The following STAT4 variants were observed in gnomAD, a reference collection of about 807,000 sequenced individuals.
STAT4 encodes signal transducer and activator of transcription 4.
Under a neutral mutation model 110.5 loss-of-function variants are expected in STAT4, and 42 were observed. The observed-to-expected ratio is 0.38, with a 90% CI of 0.30 to 0.49. STAT4 has a LOEUF of 0.49. STAT4 is among the 20% of genes least tolerant of loss of function. STAT4 has a pLI of 0.95. For synonymous variants in STAT4, 284 were observed against 302.2 expected, an observed-to-expected ratio of 0.94 and a Z score of 0.63; for missense variants, 632 against 887.9, an observed-to-expected ratio of 0.71 and a Z score of 3.66.
chr2:191,136,838 T>C (rs972472837), intron 3 of STAT4, among the ~76,000 whole-genome samples: 3 of 152,116 alleles, frequency 2.0e-5, no homozygotes. Context: ...ATCTCCTAGG[T>C]CTGATAAATA....
intron 16 of STAT4, among the ~76,000 whole-genome samples, chr2:191,038,864 A>G (rs577769452): frequency 6.6e-6 from 1 of 152,356 alleles, no homozygotes; most frequent in African/African-American, 2.4e-5. Context: ...GGACCAGAGC[A>G]GCTGGGGAGG....
chr2:191,054,438 A>G (rs1696616574), intron 14 of STAT4, 52 bp downstream of exon 14: 7 of 1,429,160 alleles, frequency 4.9e-6, no homozygotes, highest in Non-Finnish European at 6.8e-6. Context: ...TAAAAATAAG[A>G]TATTATAAGA....
At chr2:191,052,894 C>A (rs1696571427) in intron 14 of STAT4, among the ~76,000 whole-genome samples, 1 of 152,164 alleles carries the variant, frequency 6.6e-6, no homozygotes, top group Non-Finnish European at 1.5e-5. Context: ...CCTTAAACCC[C>A]AAAACTCTGC....
At chr2:191,129,200 A>T (rs1698963863) in intron 3 of STAT4, among the ~76,000 whole-genome samples, 1 of 152,246 alleles carries the variant, frequency 6.6e-6, no homozygotes, top group Admixed American at 6.5e-5. Flanking sequence ...TTCATTTACC[A>T]GTTAGTAAAT....
intron 17 of STAT4, 100 bp from the exon 18 acceptor site, chr2:191,034,697 T>G: frequency 1.2e-6 from 1 of 851,070 alleles, no homozygotes; most frequent in Non-Finnish European, 2.0e-6. Context: ...CAAGCATTTC[T>G]TAAGCACTTG....
chr2:191,150,703 C>G lies in STAT4; in HGVS notation c.-2+244G>C, dbSNP rs1399282881. Among the ~76,000 whole-genome samples the G allele has an allele frequency of 6.6e-6, 1 of 152,226 alleles. No homozygotes were observed. Among genetic ancestry groups the G allele is most frequent in the Non-Finnish European group, 1.5e-5 (1 of 68,032 alleles). On this transcript the variant is annotated intron_variant, in intron 1 of 23. Transcript: ENST00000392320. This position sits in a 1 kb window ranked among gnomAD's most constrained non-coding sequence, Gnocchi z 6.4. ...GCAGCCGCCGCAGCTCCCCTGGCCC[C>G]CGCAGGGAGATTCGCCCGGGCACCG...
rs1196379705 is a variant in STAT4 at position 191,053,252 on chromosome 2, T to C, written c.1251+1238A>G. Among the ~76,000 whole-genome samples, 1 of 152,216 alleles carries C rather than the reference T, an allele frequency of 6.6e-6. No individual in the cohort carries two copies. On this transcript the variant is annotated intron_variant, in intron 14 of 23. Transcript: ENST00000392320. The surrounding 1 kb of genome is among the most constrained non-coding windows in gnomAD (Gnocchi z 4.5). ...GAACCACCCCAGAAATAAACCTCAC[T>C]GCTTCAAAACTGCATCACGTAGGTG... is the stretch of plus-strand genomic sequence containing the variant.
At chr2:191,038,175 C>A (rs1264666939) in intron 16 of STAT4, among the ~76,000 whole-genome samples, 2 of 148,870 alleles carry the variant, frequency 1.3e-5, no homozygotes, top group African/African-American at 5.0e-5. Flanking sequence ...TAATGGGGAT[C>A]AGCATTTAAT....
intron 3 of STAT4, among the ~76,000 whole-genome samples, chr2:191,128,744 T>C (rs1698952011): frequency 6.6e-6 from 1 of 152,214 alleles, no homozygotes; most frequent in African/African-American, 2.4e-5. Context: ...CTAATAGTCA[T>C]TACCCTGGCT....
rs1698096230 is a variant in STAT4, at chr2:191,099,372, A to T, written c.274-23047T>A. Among the ~76,000 whole-genome samples the T allele has an allele frequency of 6.6e-6, 1 of 152,126 alleles. No individual in the cohort carries two copies. Among genetic ancestry groups the T allele is most frequent in the African/African-American group, 2.4e-5 (1 of 41,440 alleles). Reference sequence around the variant, plus strand: ...CATATCTAGGAATCCATCCAATAAAAATAAAAGCACTGGCCCATAATAATA... The same window carrying T: ...CATATCTAGGAATCCATCCAATAAATATAAAAGCACTGGCCCATAATAATA... On this transcript the variant is annotated intron_variant, in intron 3 of 23. Coordinates refer to ENST00000392320, the MANE Select transcript of STAT4 (RefSeq NM_003151.4). This position sits in a 1 kb window ranked among gnomAD's most constrained non-coding sequence, Gnocchi z 4.1.
intron 16 of STAT4, among the ~76,000 whole-genome samples, chr2:191,038,637 T>C (rs566819050): frequency 9.2e-5 from 14 of 152,334 alleles, no homozygotes; most frequent in African/African-American, 3.4e-4. Flanking sequence ...AGAACACCTA[T>C]TCACTGCTTG....
At position 191,062,900 on chromosome 2, in the gene STAT4, C is replaced by T; in HGVS notation, c.803G>A (p.Ser268Asn). The T allele has an allele frequency of 1.2e-6, 2 of 1,613,634 alleles. No individual in the cohort carries two copies. Among genetic ancestry groups the T allele is most frequent in the Non-Finnish European group, 1.7e-6 (2 of 1,179,776 alleles). ...LQNCFTLLAE[S>N]LFQLRRQLEK... ...CAATTGCCTTCTCAGTTGGAAAAGA[C>T]TTTCTGCCAATAGTGTAAAGCTATT... Residue 268 changes from serine (S) to asparagine (N), a missense_variant, in exon 9 of 24, where the codon AGT (serine) becomes AAT (asparagine). Ser to Asn is a conservative substitution (Grantham distance 46). Around this residue, in one of 4 missense-constraint regions of STAT4, gnomAD observed 488 missense variants for 632.8 expected, o/e 0.77. Transcript: ENST00000392320. This position sits in a 1 kb window ranked among gnomAD's most constrained non-coding sequence, Gnocchi z 4.9.
In STAT4 at chr2:191,036,244, A is replaced by G. The variant is rs1416951111; in HGVS notation, c.1490T>C (p.Val497Ala). The G allele has an allele frequency of 1.2e-6, 2 of 1,614,014 alleles. No homozygotes were observed. Among genetic ancestry groups the G allele is most frequent in the African/African-American group, 2.7e-5 (2 of 74,892 alleles). The change falls in exon 17 of 24, where the codon GTG (valine) becomes GCG (alanine). Residue 497 changes from valine (V) to alanine (A), a missense_variant. Coordinates refer to ENST00000392320, the MANE Select transcript of STAT4 (RefSeq NM_003151.4). The part of the protein sequence containing the change: ...PPATLSQLLE[V>A]MSWQFSSYVG... The stretch of plus-strand genomic sequence containing the variant: ...GTACGATGAAAACTGCCAGCTCATC[A>G]CCTCCAGTAGTTGACTCAATGTGGC...
chr2:191,030,168 G>A lies in STAT4; in HGVS notation c.2221-302C>T, dbSNP rs575305726. On this transcript the variant is annotated intron_variant, in intron 23 of 23. Coordinates refer to ENST00000392320, the MANE Select transcript of STAT4 (RefSeq NM_003151.4). The surrounding 1 kb of genome is among the most constrained non-coding windows in gnomAD (Gnocchi z 4.4). ...TTCAGTTAGACATAAATAACTTGACGATTTAAGGGAACTAACATTAGAATA... is the reference window on the plus strand; with the variant it reads ...TTCAGTTAGACATAAATAACTTGACAATTTAAGGGAACTAACATTAGAATA... Among the ~76,000 whole-genome samples the A allele has an allele frequency of 1.3e-5, 2 of 152,294 alleles. No homozygotes were observed. Among genetic ancestry groups the A allele is most frequent in the South Asian group, 2.1e-4 (1 of 4,828 alleles).
chr2:191,034,627 C>T (rs1559037209), intron 17 of STAT4, 30 bp from the exon 18 acceptor site: 5 of 1,549,980 alleles, frequency 3.2e-6, no homozygotes, highest in African/African-American at 1.4e-5. Context: ...TGAAATTTTT[C>T]ACTGGACAAT....
At chr2:191,125,017 G>A (rs1204896311) in intron 3 of STAT4, among the ~76,000 whole-genome samples, 1 of 152,170 alleles carries the variant, frequency 6.6e-6, no homozygotes, top group African/African-American at 2.4e-5. Context: ...CTTCTTATTT[G>A]TTAGGAATAC....
intron 3 of STAT4, among the ~76,000 whole-genome samples, chr2:191,132,902 C>G (rs1329646367): frequency 6.6e-6 from 1 of 151,270 alleles, no homozygotes; most frequent in Non-Finnish European, 1.5e-5. Context: ...CTGCAGGCGC[C>G]CGCCACCATG....
chr2:191,061,896 G>T lies in STAT4; in HGVS notation c.942-75C>A. 1 of 1,401,132 alleles carries T rather than the reference G, an allele frequency of 7.1e-7. No individual in the cohort carries two copies. Among genetic ancestry groups the T allele is most frequent in the Non-Finnish European group, 9.9e-7 (1 of 1,005,726 alleles). The allele number at this position is 1,401,132 out of a possible 1,614,324, so 86.8% of individuals were successfully genotyped here. A position where few individuals can be genotyped will look rare whatever the true frequency, so the allele number is the denominator to read the frequency against. ...GAGACTGAAAACCACAGAGGAACAG[G>T]ATGCTATCCACTCAAAGTCCAAATT... On this transcript the variant is annotated intron_variant, in intron 9 of 23. Coordinates refer to ENST00000392320, the MANE Select transcript of STAT4 (RefSeq NM_003151.4). This position sits in a 1 kb window ranked among gnomAD's most constrained non-coding sequence, Gnocchi z 6.2.
At position 191,037,616 on chromosome 2, in the gene STAT4, G is replaced by A. The variant is rs1340324681; in HGVS notation, c.1435-1317C>T. Among the ~76,000 whole-genome samples the A allele has an allele frequency of 2.0e-5, 3 of 152,178 alleles. No individual in the cohort carries two copies. The highest frequency in any genetic ancestry group is 7.2e-5 in the African/African-American group (3 of 41,450). ...AGGAAAGGAAGAATTCAGAAATCCAGTGCGGTGCCTGGAAAAGGCCGTTGT... is the reference window on the plus strand; with the variant it reads ...AGGAAAGGAAGAATTCAGAAATCCAATGCGGTGCCTGGAAAAGGCCGTTGT... On this transcript the variant is annotated intron_variant, in intron 16 of 23. Coordinates refer to ENST00000392320, the MANE Select transcript of STAT4 (RefSeq NM_003151.4). This position sits in a 1 kb window ranked among gnomAD's most constrained non-coding sequence, Gnocchi z 4.8.
Sources: gnomAD v4.1 joint callset for allele counts (sites outside exome capture counted in the v4.1 genomes callset) on GRCh38, gnomAD v4.1.1 for gene constraint, gnomAD v4.1.1 regional missense constraint, Gnocchi (gnomAD v3.1) non-coding constraint, MANE v1.5 for transcripts, NCBI Gene and HGNC (gene_info 2026-07-23, HGNC 2026-07-21) for gene names.